PCDHGA8: variants seen among roughly 807,000 people sequenced by gnomAD.
The protein encoded by PCDHGA8 is protocadherin gamma subfamily A, 8, also known as protocadherin gamma-A8.
Under a neutral mutation model 59.2 loss-of-function variants are expected in PCDHGA8, and 45 were observed. The observed-to-expected ratio is 0.76, with a 90% CI of 0.60 to 0.98. PCDHGA8 has a LOEUF of 0.98. Ranked by LOEUF, PCDHGA8 falls within the 50% of genes least tolerant of loss-of-function variation. PCDHGA8 has a pLI of 0.00. For synonymous variants in PCDHGA8, 531 were observed against 519.0 expected (o/e 1.02, Z -0.32); for missense variants, 1,257 against 1,196.2 (o/e 1.05, Z -0.75).
chr5:141,467,371 A>G, intron 1 of PCDHGA8, among the ~76,000 whole-genome samples: 1 of 151,906 alleles, frequency 6.6e-6, no homozygotes, highest in Non-Finnish European at 1.5e-5. Context: ...GTTTTCTTAT[A>G]TTGCATTTAG....
In PCDHGA8 at chr5:141,486,421, G is replaced by C; in HGVS notation, c.2425-8386G>C. 1 of 1,614,152 alleles carries C rather than the reference G, an allele frequency of 6.2e-7. No individual in the cohort carries two copies. Among genetic ancestry groups the C allele is most frequent in the African/African-American group, 1.3e-5 (1 of 75,028 alleles). On this transcript the variant is annotated intron_variant, in intron 1 of 3. Coordinates refer to ENST00000398604, the MANE Select transcript of PCDHGA8 (RefSeq NM_032088.2). This position sits in a 1 kb window ranked among gnomAD's most constrained non-coding sequence, Gnocchi z 5.0. Reference sequence around the variant, plus strand: ...TGACTGCTGGACCCTTGGATCGAGAGGCCAAATCTAGCTATGACATCATGG... The same window carrying C: ...TGACTGCTGGACCCTTGGATCGAGACGCCAAATCTAGCTATGACATCATGG...
rs145484670 is a variant in PCDHGA8 at position 141,469,912 on chromosome 5, C to T, written c.2425-24895C>T. Among the ~76,000 whole-genome samples, 674 of 152,288 alleles carry T rather than the reference C, an allele frequency of 4.4e-3. 6 individuals are homozygous for T. The highest frequency in any genetic ancestry group is 0.015 in the African/African-American group (642 of 41,562). On this transcript the variant is annotated intron_variant, in intron 1 of 3. Transcript: ENST00000398604. ...TTGGGAAGCCGAGGCAGGCAGACCA[C>T]CCGAGGTCAGGAGTTTGAGACCAGC...
intron 2 of PCDHGA8, 99 bp downstream of exon 2, chr5:141,494,964 G>A (rs2099757882): frequency 1.3e-6 from 2 of 1,594,380 alleles, no homozygotes; most frequent in Non-Finnish European, 8.5e-7. Context: ...GCTACAGATG[G>A]CTTCTCCCTC....
At chr5:141,430,947 G>T (rs1169662602) in intron 1 of PCDHGA8, 1 of 1,610,002 alleles carries the variant, frequency 6.2e-7, no homozygotes, top group Non-Finnish European at 8.5e-7. Flanking sequence ...GCGGAGCGCG[G>T]AGTCCGCATC....
intron 1 of PCDHGA8, chr5:141,415,308 C>G (rs2154545628): frequency 6.2e-7 from 1 of 1,614,236 alleles, no homozygotes; most frequent in Non-Finnish European, 8.5e-7. Context: ...TCCTGGCCTT[C>G]GTCATCGTGC....
rs775204388 is a variant in PCDHGA8, at chr5:141,490,235, G to T, written c.2425-4572G>T. On this transcript the variant is annotated intron_variant, in intron 1 of 3. Transcript: ENST00000398604. This position sits in a 1 kb window ranked among gnomAD's most constrained non-coding sequence, Gnocchi z 5.4. ...GACCAGGGACAGCCTGCCATGGAGG[G>T]CCACTGTGTGATTCAAGTGGATGTG... 1 of 1,614,228 alleles carries T rather than the reference G, an allele frequency of 6.2e-7. No homozygotes were observed. The highest frequency in any genetic ancestry group is 1.1e-5 in the South Asian group (1 of 91,084).
chr5:141,418,254 A>T (rs1217236221), intron 1 of PCDHGA8: 2 of 1,613,904 alleles, frequency 1.2e-6, no homozygotes, highest in African/African-American at 2.7e-5. Flanking sequence ...CACGCCCCTC[A>T]ATTCCGGAAA....
In PCDHGA8 at chr5:141,392,819, C is replaced by A. The variant is rs1346235587; in HGVS notation, c.6C>A (p.Ala2=). The A allele has an allele frequency of 4.4e-6, 7 of 1,590,376 alleles. No individual in the cohort carries two copies. The highest frequency in any genetic ancestry group is 6.0e-6 in the Non-Finnish European group (7 of 1,169,134). ...GATTCTGCAGCAAAACAACAATGGC[C>A]GCTCCACAGAGTCGCCCCAGACGCG... The part of the protein sequence containing the change: M[A]APQSRPRRGE... Residue 2 remains alanine (A), a synonymous_variant, in exon 1 of 4, where the codon GCC becomes GCA. Transcript: ENST00000398604.
At chr5:141,411,394 A>AC (rs958605809) in intron 1 of PCDHGA8, 4 of 151,570 alleles carry the variant, frequency 2.6e-5, no homozygotes, top group South Asian at 2.1e-4. Context: ...ATATAGGGAG[A>AC]CCCCCCATCT....
intron 1 of PCDHGA8, chr5:141,404,270 C>T (rs1359018673): frequency 5.0e-6 from 8 of 1,614,010 alleles, no homozygotes; most frequent in Non-Finnish European, 6.8e-6. Flanking sequence ...TCACATCACC[C>T]TGCAAGTGAC....
At chr5:141,399,692 G>A (rs780007896) in intron 1 of PCDHGA8, 2 of 1,613,318 alleles carry the variant, frequency 1.2e-6, no homozygotes, top group Middle Eastern at 1.7e-4. Flanking sequence ...GAGCAGCTGC[G>A]CACCTTCGAA....
At chr5:141,469,964 G>T (rs974494589) in intron 1 of PCDHGA8, among the ~76,000 whole-genome samples, 2 of 152,002 alleles carry the variant, frequency 1.3e-5, no homozygotes, top group Non-Finnish European at 2.9e-5. Flanking sequence ...AACCCCATCT[G>T]TACCAAAAAT....
At chr5:141,501,290 TACACACACACACACACACACACACAC>T (rs55762287) in intron 2 of PCDHGA8, among the ~76,000 whole-genome samples, 1 of 136,164 alleles carries the variant, frequency 7.3e-6, no homozygotes, top group Non-Finnish European at 1.6e-5. Flanking sequence ...TATTCCCTTA[TACACACACACACACACACACACACAC>T]ACACACACAC....
chr5:141,395,104 G>A lies in PCDHGA8; in HGVS notation c.2291G>A (p.Arg764Gln), dbSNP rs1420682544. ...GAAGTCTCCCTCACCGCCGACTCGC[G>A]GAAGAGTCACCTGATCTTTCCCCAG... ...SQEVSLTADS[R>Q]KSHLIFPQPN... Residue 764 changes from arginine to glutamine, a missense_variant, in exon 1 of 4, where the codon CGG becomes CAG. Physicochemically the swap from Arg to Gln is conservative, Grantham distance 43 (BLOSUM62 1). Transcript: ENST00000398604. The A allele has an allele frequency of 1.9e-6, 3 of 1,614,028 alleles. No homozygotes were observed. Among genetic ancestry groups the A allele is most frequent in the Admixed American group, 3.3e-5 (2 of 60,002 alleles).
intron 3 of PCDHGA8, among the ~76,000 whole-genome samples, chr5:141,508,579 G>A (rs569867127): frequency 6.6e-6 from 1 of 152,234 alleles, no homozygotes; most frequent in East Asian, 1.9e-4. Flanking sequence ...ACCCACTCGG[G>A]GTGCTACTCA....
At chr5:141,465,945 AC>A (rs761290693) in intron 1 of PCDHGA8, among the ~76,000 whole-genome samples, 7 of 151,958 alleles carry the variant, frequency 4.6e-5, no homozygotes, top group Non-Finnish European at 5.9e-5. Context: ...ACATGGTGAA[AC>A]CCCATCTCTA....
intron 1 of PCDHGA8, chr5:141,405,544 C>T: frequency 1.6e-6 from 1 of 632,908 alleles, no homozygotes; most frequent in Non-Finnish European, 2.7e-6. Context: ...CTCAGCCTCC[C>T]AAGTAGAGTA....
intron 1 of PCDHGA8, chr5:141,475,845 G>C: frequency 4.5e-6 from 2 of 448,002 alleles, no homozygotes; most frequent in Non-Finnish European, 7.9e-6. Context: ...TGCTCAGAGA[G>C]CCCGGCGCTA....
intron 3 of PCDHGA8, 120 bp downstream of exon 3, chr5:141,505,601 C>T (rs1171679451): frequency 6.4e-7 from 1 of 1,550,630 alleles, no homozygotes; most frequent in Non-Finnish European, 8.7e-7. Flanking sequence ...GATCTTTCGG[C>T]AGGTCTGAAA....
Sources: allele counts gnomAD v4.1 joint callset (sites outside exome capture counted in the v4.1 genomes callset), GRCh38; gene constraint gnomAD v4.1.1; non-coding constraint Gnocchi (gnomAD v3.1); transcripts MANE v1.5; gene names NCBI Gene and HGNC (gene_info 2026-07-23, HGNC 2026-07-21).